PRICKLE2: variants seen among roughly 807,000 people sequenced by gnomAD.
PRICKLE2 encodes prickle planar cell polarity protein 2, also known as prickle-like protein 2.
A neutral mutation model predicts 81.4 loss-of-function variants in PRICKLE2; 21 were observed. The observed-to-expected ratio is 0.26, with a 90% confidence interval of 0.18 to 0.37. PRICKLE2 has a LOEUF of 0.37. PRICKLE2 is among the 10% of genes least tolerant of loss of function. The pLI, the probability that PRICKLE2 is intolerant of heterozygous loss-of-function variation, is 1.00. For missense variants in PRICKLE2, 940 were observed against 1,109.0 expected (o/e 0.85, Z 2.16); for synonymous variants, 456 against 421.5 (o/e 1.08, Z -1.00).
At chr3:64,121,369 T>C (rs2077025110) in intron 7 of PRICKLE2, among the ~76,000 whole-genome samples, 1 of 152,202 alleles carries the variant, frequency 6.6e-6, no homozygotes, top group African/African-American at 2.4e-5. Flanking sequence ...TTCCATACTT[T>C]GGAAACAGAA....
chr3:64,122,755 G>A (rs140630086), intron 7 of PRICKLE2, among the ~76,000 whole-genome samples: 90 of 152,284 alleles, frequency 5.9e-4, no homozygotes, highest in African/African-American at 2.0e-3. Context: ...ATCCTGGCTG[G>A]TGAAGACTGA....
At chr3:64,101,289 A>T (rs1351656957) in intron 7 of PRICKLE2, 2 of 152,234 alleles carry the variant, frequency 1.3e-5, no homozygotes, top group Non-Finnish European at 2.9e-5. Context: ...CCAGAAACGG[A>T]AACAACTCAA....
At chr3:64,106,358 C>T (rs1350681115) in intron 7 of PRICKLE2, among the ~76,000 whole-genome samples, 2 of 152,204 alleles carry the variant, frequency 1.3e-5, no homozygotes, top group African/African-American at 4.8e-5. Flanking sequence ...TGTATTGGAA[C>T]ACAACCACAC....
intron 2 of PRICKLE2, chr3:64,163,902 A>G (rs1483722761): frequency 6.7e-6 from 1 of 148,736 alleles, no homozygotes; most frequent in Non-Finnish European, 1.5e-5. Flanking sequence ...ACTGGCTAAT[A>G]CAGAAGGTAT....
Position 64,160,073 on chromosome 3 carries a change from C to G in PRICKLE2, c.263G>C (p.Arg88Pro), listed in dbSNP as rs1461035063. The G allele has an allele frequency of 1.9e-6, 3 of 1,613,976 alleles. No homozygotes were observed. The highest frequency in any genetic ancestry group is 1.7e-6 in the Non-Finnish European group (2 of 1,179,960). The change falls in exon 4 of 8, where the codon CGA becomes CCA. Residue 88 changes from arginine to proline, a missense_variant. This residue lies in a region of PRICKLE2 where 270 missense variants were observed against 391.8 expected (regional missense o/e 0.69). Transcript: ENST00000638394. ...TTCCTCATCCAGGGAGTTGCAATATCGAACCTGAATAGACACAGACAATGG... is the reference window on the plus strand; with the variant it reads ...TTCCTCATCCAGGGAGTTGCAATATGGAACCTGAATAGACACAGACAATGG... ...HQLPPHDNEV[R>P]YCNSLDEEEK...
intron 4 of PRICKLE2, among the ~76,000 whole-genome samples, chr3:64,158,364 A>G (rs761885823): frequency 3.2e-4 from 49 of 152,234 alleles, no homozygotes; most frequent in Non-Finnish European, 1.0e-4. Flanking sequence ...GGACAAAAGA[A>G]AGGCATCATG....
chr3:64,263,847 G>A (rs1208362266), intron 2 of PRICKLE2, among the ~76,000 whole-genome samples: 1 of 152,162 alleles, frequency 6.6e-6, no homozygotes, highest in African/African-American at 2.4e-5. Flanking sequence ...CAAATGAGCT[G>A]AACACTCCTC....
At chr3:64,193,759 G>A (rs1390029068) in intron 2 of PRICKLE2, among the ~76,000 whole-genome samples, 2 of 152,142 alleles carry the variant, frequency 1.3e-5, no homozygotes, top group Admixed American at 6.5e-5. Flanking sequence ...TAAGTCTCAC[G>A]AGATCTGATG....
intron 7 of PRICKLE2, among the ~76,000 whole-genome samples, chr3:64,122,633 ACT>A (rs2077044093): frequency 1.3e-5 from 2 of 152,216 alleles, no homozygotes; most frequent in South Asian, 4.1e-4. Flanking sequence ...CTGTTAGGTA[ACT>A]CTGCCTTGTC....
chr3:64,220,123 T>C (rs2078929076), intron 1 of PRICKLE2, among the ~76,000 whole-genome samples: 1 of 152,226 alleles, frequency 6.6e-6, no homozygotes, highest in Admixed American at 6.5e-5. Context: ...CCAGATTTTG[T>C]GACCATAGAA....
chr3:64,136,252 T>A (rs2077277424), intron 7 of PRICKLE2, among the ~76,000 whole-genome samples: 1 of 151,968 alleles, frequency 6.6e-6, no homozygotes, highest in South Asian at 2.1e-4. Flanking sequence ...ATGCAAGTTC[T>A]AACTACAGGC....
At chr3:64,247,345 C>T (rs950909894) in intron 2 of PRICKLE2, among the ~76,000 whole-genome samples, 4 of 152,096 alleles carry the variant, frequency 2.6e-5, no homozygotes, top group African/African-American at 9.7e-5. Flanking sequence ...GCATCACCAT[C>T]CTATTTATAC....
intron 2 of PRICKLE2, among the ~76,000 whole-genome samples, chr3:64,255,692 T>C (rs2079515455): frequency 6.6e-6 from 1 of 152,190 alleles, no homozygotes; most frequent in Non-Finnish European, 1.5e-5. Context: ...GCATCTCCTC[T>C]TCCTCCTCAG....
At chr3:64,224,654 G>C (rs893145054) in intron 1 of PRICKLE2, among the ~76,000 whole-genome samples, 1 of 152,110 alleles carries the variant, frequency 6.6e-6, no homozygotes, top group Non-Finnish European at 1.5e-5. Flanking sequence ...GAGAAACGCT[G>C]CTTCTTCTTA....
chr3:64,213,747 C>T (rs1194144194), intron 1 of PRICKLE2, among the ~76,000 whole-genome samples: 2 of 146,186 alleles, frequency 1.4e-5, no homozygotes, highest in Non-Finnish European at 1.5e-5. Flanking sequence ...GTGTCAAACG[C>T]TTTCCACGCT....
At chr3:64,261,699 G>A (rs2079616729) in intron 2 of PRICKLE2, among the ~76,000 whole-genome samples, 1 of 152,120 alleles carries the variant, frequency 6.6e-6, no homozygotes, top group South Asian at 2.1e-4. Context: ...AAGGCCCAGA[G>A]GTAGGCAGAA....
At chr3:64,149,279 C>T (rs1459502034) in intron 6 of PRICKLE2, among the ~76,000 whole-genome samples, 1 of 152,128 alleles carries the variant, frequency 6.6e-6, no homozygotes, top group Non-Finnish European at 1.5e-5. Context: ...GATCTGGGGC[C>T]CAACATAGGC....
At chr3:64,161,747 A>T (rs2077737884) in intron 3 of PRICKLE2, among the ~76,000 whole-genome samples, 1 of 151,688 alleles carries the variant, frequency 6.6e-6, no homozygotes. Flanking sequence ...TCTCCATGTA[A>T]ACGTCCCAGA....
chr3:64,222,683 C>T (rs989749905), intron 1 of PRICKLE2, among the ~76,000 whole-genome samples: 3 of 152,148 alleles, frequency 2.0e-5, no homozygotes, highest in Admixed American at 6.5e-5. Context: ...AAAAATTCAG[C>T]CTTGGAACTT....
Sources: allele counts gnomAD v4.1 joint callset (sites outside exome capture counted in the v4.1 genomes callset), GRCh38; gene constraint gnomAD v4.1.1; regional missense constraint gnomAD v4.1.1; transcripts MANE v1.5; gene names NCBI Gene and HGNC (gene_info 2026-07-23, HGNC 2026-07-21).